ZFHX3: variants seen among roughly 807,000 people sequenced by gnomAD.
ZFHX3 encodes zinc finger homeobox 3.
A neutral mutation model predicts 279.1 loss-of-function variants in ZFHX3; 42 were observed. The observed-to-expected ratio is 0.15, with a 90% CI of 0.12 to 0.19. The LOEUF is 0.19. Among genes scored for constraint, ZFHX3 ranks in the 10% least tolerant of loss-of-function variants. ZFHX3 has a pLI of 1.00. For missense variants in ZFHX3, 4,981 were observed against 4,754.0 expected (o/e 1.05, Z -1.40); for synonymous variants, 2,293 against 1,957.8 (o/e 1.17, Z -4.52).
intron 3 of ZFHX3, among the ~76,000 whole-genome samples, chr16:72,890,436 T>C (rs1206114239): frequency 1.3e-5 from 2 of 152,004 alleles, no homozygotes; most frequent in Non-Finnish European, 2.9e-5. Context: ...TCCTAGGCAG[T>C]TCTTAGTAGC....
At chr16:73,445,234 G>A (rs1311271172) in intron 3 of ZFHX3, among the ~76,000 whole-genome samples, 1 of 151,568 alleles carries the variant, frequency 6.6e-6, no homozygotes, top group Non-Finnish European at 1.5e-5. Context: ...TCATGTGTAT[G>A]TATGTATACA....
At chr16:73,506,469 G>C (rs543860087) in intron 2 of ZFHX3, among the ~76,000 whole-genome samples, 2 of 152,002 alleles carry the variant, frequency 1.3e-5, no homozygotes, top group Admixed American at 6.5e-5. Context: ...ACCTTCTTAG[G>C]TTAATAGAGT....
intron 1 of ZFHX3, among the ~76,000 whole-genome samples, chr16:73,787,226 C>T (rs1959675161): frequency 6.6e-6 from 1 of 152,120 alleles, no homozygotes; most frequent in Non-Finnish European, 1.5e-5. Context: ...GGTGTTTCCT[C>T]TCTGGAATGC....
chr16:73,565,826 C>T (rs1388387158), intron 2 of ZFHX3, among the ~76,000 whole-genome samples: 1 of 152,236 alleles, frequency 6.6e-6, no homozygotes, highest in East Asian at 1.9e-4. Flanking sequence ...ATGCAACTTA[C>T]ATCCTGTGCC....
At chr16:73,862,415 A>G (rs533211378) in intron 1 of ZFHX3, among the ~76,000 whole-genome samples, 1 of 152,320 alleles carries the variant, frequency 6.6e-6, no homozygotes, top group African/African-American at 2.4e-5. Context: ...ATGTATGTTA[A>G]CTTCTTCTCT....
At chr16:73,665,254 C>T (rs979489339) in intron 2 of ZFHX3, among the ~76,000 whole-genome samples, 7 of 143,956 alleles carry the variant, frequency 4.9e-5, no homozygotes, top group African/African-American at 1.6e-4. Context: ...CGCTCTGTTG[C>T]GCAGGCTGGA....
chr16:73,103,970 C>T (rs1470496346), intron 7 of ZFHX3, among the ~76,000 whole-genome samples: 1 of 152,262 alleles, frequency 6.6e-6, no homozygotes, highest in Non-Finnish European at 1.5e-5. Context: ...TCTGATTCCA[C>T]TGGTCTATCT....
chr16:72,922,730 T>A (rs953426895), intron 3 of ZFHX3, among the ~76,000 whole-genome samples: 3 of 152,230 alleles, frequency 2.0e-5, no homozygotes, highest in Non-Finnish European at 2.9e-5. Context: ...AACATTTGTT[T>A]CAGATTGTTA....
chr16:72,948,354 C>A (rs186286347), intron 3 of ZFHX3, among the ~76,000 whole-genome samples: 1 of 152,156 alleles, frequency 6.6e-6, no homozygotes. Context: ...CTTCTACCCA[C>A]GCCATCTTTT....
At chr16:73,385,916 G>A (rs1481346466) in intron 3 of ZFHX3, among the ~76,000 whole-genome samples, 1 of 152,122 alleles carries the variant, frequency 6.6e-6, no homozygotes, top group Non-Finnish European at 1.5e-5. Flanking sequence ...TTGTGGTCAG[G>A]TGGCTGGGCA....
chr16:73,455,515 C>T lies in ZFHX3; in HGVS notation c.-1291+488G>A, dbSNP rs796253786. Among the ~76,000 whole-genome samples the T allele has an allele frequency of 5.3e-5, 8 of 152,218 alleles. 1 individual carries two copies. The highest frequency in any genetic ancestry group is 1.9e-4 in the African/African-American group (8 of 41,528). On this transcript the variant is annotated intron_variant, in intron 3 of 17. Transcript: ENST00000641206. Reference sequence around the variant, plus strand: ...AGAAAGGTGATGCTGAAGAGAGACCCAGGATGTGTATGTGGAAGCCAGCAA... The same window carrying T: ...AGAAAGGTGATGCTGAAGAGAGACCTAGGATGTGTATGTGGAAGCCAGCAA...
At chr16:73,325,109 G>A (rs2015655335) in intron 3 of ZFHX3, among the ~76,000 whole-genome samples, 1 of 152,172 alleles carries the variant, frequency 6.6e-6, no homozygotes, top group Non-Finnish European at 1.5e-5. Flanking sequence ...ATGGATGATA[G>A]GACAGAAGAA....
At chr16:73,791,724 A>G (rs1271556754) in intron 1 of ZFHX3, among the ~76,000 whole-genome samples, 2 of 152,224 alleles carry the variant, frequency 1.3e-5, no homozygotes, top group Non-Finnish European at 2.9e-5. Flanking sequence ...CACCCAGCCT[A>G]GAATTTGCAT....
intron 1 of ZFHX3, among the ~76,000 whole-genome samples, chr16:73,055,178 C>A (rs183318060): frequency 8.6e-5 from 13 of 151,784 alleles, no homozygotes; most frequent in African/African-American, 2.9e-4. Flanking sequence ...GTCTTGTGCA[C>A]TGTCTTGCAT....
Position 73,571,292 on chromosome 16 carries a change from C to G in ZFHX3, c.-1547+108888G>C, listed in dbSNP as rs74982535. Among the ~76,000 whole-genome samples, 411 of 151,022 alleles carry G rather than the reference C, an allele frequency of 2.7e-3. 1 individual carries two copies. Among genetic ancestry groups the G allele is most frequent in the Non-Finnish European group, 5.2e-3 (352 of 67,692 alleles). On this transcript the variant is annotated intron_variant, in intron 2 of 17. Coordinates refer to the ZFHX3 transcript ENST00000641206. ...GCTCCTACCTCCCATCAAAGATAAT[C>G]TAAGCTCAGATAGTATTAAAGTAAA...
At chr16:73,820,034 G>C (rs1480609064) in intron 1 of ZFHX3, among the ~76,000 whole-genome samples, 1 of 152,122 alleles carries the variant, frequency 6.6e-6, no homozygotes, top group African/African-American at 2.4e-5. Context: ...CCTTGAATCT[G>C]GGTGGCCATG....
rs556508378 is a variant in ZFHX3, at chr16:73,556,950, C to T, written c.-1546-100692G>A. The stretch of plus-strand genomic sequence containing the variant: ...CTCTACTAAAAATACAAAAAATTAG[C>T]TGGGCATGGTGGTGGGCGCCTGTAG... On this transcript the variant is annotated intron_variant, in intron 2 of 17. Coordinates refer to the ZFHX3 transcript ENST00000641206. Among the ~76,000 whole-genome samples, 3 of 151,906 alleles carry T rather than the reference C, an allele frequency of 2.0e-5. No homozygotes were observed. The South Asian group carries it at 6.3e-4, about 32-fold the overall frequency.
intron 2 of ZFHX3, among the ~76,000 whole-genome samples, chr16:73,549,567 C>A (rs1416581384): frequency 6.6e-6 from 1 of 152,144 alleles, no homozygotes; most frequent in East Asian, 1.9e-4. Flanking sequence ...CTATTTCAAG[C>A]CTTTTCTAAA....
intron 1 of ZFHX3, among the ~76,000 whole-genome samples, chr16:73,046,996 T>C (rs547851592): frequency 6.6e-6 from 1 of 152,336 alleles, no homozygotes; most frequent in South Asian, 2.1e-4. Context: ...AATTCCCTCT[T>C]AGCACACACC....
Sources: allele counts gnomAD v4.1 joint callset (sites outside exome capture counted in the v4.1 genomes callset), GRCh38; gene constraint gnomAD v4.1.1; transcripts MANE v1.5; gene names NCBI Gene and HGNC (gene_info 2026-07-23, HGNC 2026-07-21).